ZNF813: variants seen among roughly 807,000 people sequenced by gnomAD.
ZNF813 encodes the protein zinc finger protein 813.
In ZNF813, 3 loss-of-function variants were observed where a neutral mutation model predicts 7.2. The observed-to-expected ratio is 0.42, with a 90% CI of 0.19 to 1.08. ZNF813 has a LOEUF of 1.08. ZNF813 is among the 50% of genes least tolerant of loss of function. The pLI is 0.30. For missense variants in ZNF813, 714 were observed against 753.3 expected (o/e 0.95, Z 0.61); for synonymous variants, 227 against 256.3 (o/e 0.89, Z 1.09).
chr19:53,468,038 G>A (rs1313022103), intron 1 of ZNF813, among the ~76,000 whole-genome samples: 1 of 152,160 alleles, frequency 6.6e-6, no homozygotes, highest in Non-Finnish European at 1.5e-5. Context: ...CATTTTTCCT[G>A]CTCTAAACCT....
chr19:53,479,615 A>T, intron 1 of ZNF813: 2 of 1,213,320 alleles, frequency 1.6e-6, no homozygotes, highest in Non-Finnish European at 1.2e-6. Context: ...AGTGAGAGAG[A>T]TACAAAGGTT....
Position 53,492,875 on chromosome 19 carries a change from AC to A in ZNF813, c.*790del, listed in dbSNP as rs536201043. On this transcript the variant is annotated 3_prime_UTR_variant, in exon 4 of 4. Coordinates refer to ENST00000396403, the MANE Select transcript of ZNF813 (RefSeq NM_001004301.4). ...AGAATTCATACAGGAGAGAAACCTC[AC>A]GTGTGATGATTGTGGCAAAGCCTTT... The A allele has an allele frequency of 5.0e-3, 2,379 of 472,318 alleles. 17 individuals are homozygous for A. The highest frequency in any genetic ancestry group is 8.1e-3 in the Non-Finnish European group (1,901 of 235,236). 29.3% of individuals were successfully genotyped at this position (472,318 alleles called of 1,614,324 possible).
At chr19:53,476,677 G>A (rs1262299197) in intron 1 of ZNF813, among the ~76,000 whole-genome samples, 1 of 151,550 alleles carries the variant, frequency 6.6e-6, no homozygotes, top group African/African-American at 2.4e-5. Flanking sequence ...TGTTTGAGAC[G>A]GAGTCTCACT....
intron 1 of ZNF813, among the ~76,000 whole-genome samples, chr19:53,483,478 G>C (rs902072746): frequency 1.3e-5 from 2 of 152,090 alleles, no homozygotes; most frequent in African/African-American, 4.8e-5. Context: ...ATGAGCCACC[G>C]CACCCAGCCT....
intron 1 of ZNF813, among the ~76,000 whole-genome samples, chr19:53,475,129 TA>T (rs1484798555): frequency 6.6e-6 from 1 of 152,190 alleles, no homozygotes; most frequent in Non-Finnish European, 1.5e-5. Context: ...CTCTAGCTGA[TA>T]AAAGTCCTCT....
chr19:53,485,648 C>G (rs1387028505), intron 2 of ZNF813, among the ~76,000 whole-genome samples: 1 of 148,332 alleles, frequency 6.7e-6, no homozygotes, highest in Non-Finnish European at 1.5e-5. Flanking sequence ...ACATGTATGT[C>G]ATGACATATA....
Position 53,486,715 on chromosome 19 carries a change from C to G in ZNF813, c.99C>G (p.Tyr33Ter), listed in dbSNP as rs756030619. Residue 33 changes from tyrosine (Y) to a stop codon, truncating the protein, a stop_gained, in exon 3 of 4, where the codon TAC becomes TAG. Coordinates refer to ENST00000396403, the MANE Select transcript of ZNF813 (RefSeq NM_001004301.4). LOFTEE classifies it low-confidence loss of function (END_TRUNC). ...KCLDPAQRTLYRDVMLENYRN... is the reference protein window; with the variant it reads ...KCLDPAQRTL ...TGGACCCTGCTCAGAGGACTCTATA[C>G]AGGGACGTGATGCTGGAGAATTATA... 6.2e-7 allele frequency: 1 copy of G among 1,614,102 alleles called. No individual in the cohort carries two copies. The highest frequency in any genetic ancestry group is 1.1e-5 in the South Asian group (1 of 91,070).
chr19:53,481,768 G>A (rs1351346760), intron 1 of ZNF813, among the ~76,000 whole-genome samples: 1 of 152,150 alleles, frequency 6.6e-6, no homozygotes, highest in Non-Finnish European at 1.5e-5. Flanking sequence ...AAATGTTACT[G>A]TGATTTTCTT....
At chr19:53,470,125 T>A (rs2086350170) in intron 1 of ZNF813, among the ~76,000 whole-genome samples, 1 of 152,178 alleles carries the variant, frequency 6.6e-6, no homozygotes, top group Non-Finnish European at 1.5e-5. Flanking sequence ...CAAGAACAGC[T>A]AAATACATTT....
chr19:53,491,562 T>A lies in ZNF813; in HGVS notation c.1330T>A (p.Cys444Ser), dbSNP rs779734687. The A allele has an allele frequency of 2.5e-6, 4 of 1,612,896 alleles. No homozygotes were observed. Among genetic ancestry groups the A allele is most frequent in the Non-Finnish European group, 3.4e-6 (4 of 1,179,582 alleles). Reference sequence around the variant, plus strand: ...AGAGAAACCCTACAAGTGTACTGAGTGTGTCAAGACGTTCAGTCGAAATTC... The same window carrying A: ...AGAGAAACCCTACAAGTGTACTGAGAGTGTCAAGACGTTCAGTCGAAATTC... ...SGEKPYKCTE[C>S]VKTFSRNSAL... is the part of the protein sequence containing the mutation. The change falls in exon 4 of 4, where the codon TGT becomes AGT. Residue 444 changes from cysteine (C) to serine (S), a missense_variant. Physicochemically the swap from Cys to Ser is moderately radical, Grantham distance 112. This residue lies in a region of ZNF813 where 563 missense variants were observed against 554.2 expected (regional missense o/e 1.02). Transcript: ENST00000396403.
intron 1 of ZNF813, among the ~76,000 whole-genome samples, chr19:53,468,696 C>G (rs952039204): frequency 3.3e-5 from 5 of 152,182 alleles, no homozygotes; most frequent in Non-Finnish European, 7.3e-5. Flanking sequence ...CTCAGTGTAG[C>G]AAAGAGTCAC....
chr19:53,475,065 G>C (rs2086376005), intron 1 of ZNF813, among the ~76,000 whole-genome samples: 1 of 151,986 alleles, frequency 6.6e-6, no homozygotes, highest in Non-Finnish European at 1.5e-5. Context: ...TTTCTCTGGA[G>C]CCTATACTGC....
In ZNF813 at chr19:53,490,291, T is replaced by TA. The variant is rs2086452826; in HGVS notation, c.143-83dup. On this transcript the variant is annotated intron_variant, in intron 3 of 3. Coordinates refer to ENST00000396403, the MANE Select transcript of ZNF813 (RefSeq NM_001004301.4). ...TCATGTTGGGGAAGTTTAAAATGAGTATTTTTTGTGTCACATTTACACATT... is the reference window on the plus strand; with the variant it reads ...TCATGTTGGGGAAGTTTAAAATGAGTAATTTTTTGTGTCACATTTACACATT... The TA allele has an allele frequency of 2.3e-5, 31 of 1,373,634 alleles. No homozygotes were observed. In the South Asian group the frequency reaches 3.8e-4, roughly 17 times the overall value. 85.1% of individuals were successfully genotyped at this position (1,373,634 alleles called of 1,614,324 possible).
chr19:53,470,173 CTTT>C (rs2086351043), intron 1 of ZNF813, among the ~76,000 whole-genome samples: 1 of 76,272 alleles, frequency 1.3e-5, no homozygotes, highest in Non-Finnish European at 2.6e-5. Flanking sequence ...CTTTTCTTTT[CTTT>C]CTTTCTTTCT....
chr19:53,477,168 C>T (rs2086385880), intron 1 of ZNF813, among the ~76,000 whole-genome samples: 1 of 152,148 alleles, frequency 6.6e-6, no homozygotes, highest in Non-Finnish European at 1.5e-5. Context: ...TGGATAGTTA[C>T]CGTGGCCTGG....
intron 1 of ZNF813, among the ~76,000 whole-genome samples, chr19:53,472,741 T>A (rs2086365583): frequency 1.3e-5 from 2 of 151,210 alleles, no homozygotes; most frequent in African/African-American, 2.4e-5. Flanking sequence ...TCCTCCTGAA[T>A]AGCTGTGATT....
intron 3 of ZNF813, among the ~76,000 whole-genome samples, chr19:53,489,914 A>C (rs1247285909): frequency 6.6e-6 from 1 of 152,162 alleles, no homozygotes; most frequent in Non-Finnish European, 1.5e-5. Context: ...GTTTGACAAT[A>C]CAGAATTTCC....
chr19:53,486,324 G>A (rs979403161), intron 2 of ZNF813, among the ~76,000 whole-genome samples: 1 of 147,942 alleles, frequency 6.8e-6, no homozygotes, highest in African/African-American at 2.7e-5. Context: ...GTGCGTGCCT[G>A]TAATATCAGC....
intron 1 of ZNF813, chr19:53,479,790 T>G (rs1464478348): frequency 6.5e-6 from 8 of 1,239,410 alleles, no homozygotes; most frequent in Non-Finnish European, 9.4e-6. Context: ...TGAGCTGAGC[T>G]GGCAGAGTCC....
Sources: gnomAD v4.1 joint callset for allele counts (sites outside exome capture counted in the v4.1 genomes callset) on GRCh38, gnomAD v4.1.1 for gene constraint, gnomAD v4.1.1 regional missense constraint, MANE v1.5 for transcripts, NCBI Gene and HGNC (gene_info 2026-07-23, HGNC 2026-07-21) for gene names.